The following CCDC194 variants were observed in gnomAD, a reference collection of about 807,000 sequenced individuals.
The protein encoded by CCDC194 is coiled-coil domain-containing protein 194.
A neutral mutation model predicts 4.9 loss-of-function variants in CCDC194; 8 were observed. The observed-to-expected ratio is 1.65, with a 90% CI of 0.97 to 2.97. The LOEUF (loss-of-function observed/expected upper bound fraction) is 2.97. CCDC194 is among the 30% of genes most tolerant of loss of function. The pLI is 0.00. For missense variants in CCDC194, 52 were observed against 43.1 expected, an observed-to-expected ratio of 1.21 and a Z score of -0.58; for synonymous variants, 13 against 17.0, an observed-to-expected ratio of 0.76 and a Z score of 0.58.
chr19:17,391,593 A>G, intron 2 of CCDC194, 157 bp downstream of exon 2: 1 of 1,491,708 alleles, frequency 6.7e-7, no homozygotes, highest in Non-Finnish European at 8.9e-7. Context: ...TGACATTTGC[A>G]TGGCCTCTGC....
chr19:17,390,648 T>TGGAAG lies in CCDC194; in HGVS notation c.565_566insCTTCC (p.Glu189AlafsTer6), dbSNP rs1281369784. ...TCTGCGCTGTGGGCTCATCTCGGCT[T>TGGAAG]CCAGGACGTTACTGCCGGGAAGGGG... is the stretch of plus-strand genomic sequence containing the variant. On this transcript the variant is annotated frameshift_variant, in exon 4 of 4. Transcript: ENST00000636079. LOFTEE classifies it low-confidence loss of function (END_TRUNC). The surrounding 1 kb of genome is among the most constrained non-coding windows in gnomAD (Gnocchi z 5.5). 1 of 397,784 alleles carries TGGAAG rather than the reference T, an allele frequency of 2.5e-6. No individual in the cohort carries two copies. Among genetic ancestry groups the TGGAAG allele is most frequent in the East Asian group, 3.6e-5 (1 of 28,042 alleles). 24.6% of individuals were successfully genotyped at this position (397,784 alleles called of 1,614,324 possible). A position where few individuals can be genotyped will look rare whatever the true frequency, so the allele number is the denominator to read the frequency against.
chr19:17,393,248 CCT>C (rs1302306083), intron 1 of CCDC194, among the ~76,000 whole-genome samples: 2 of 152,236 alleles, frequency 1.3e-5, no homozygotes, highest in East Asian at 3.9e-4. Flanking sequence ...CATGTATGTC[CCT>C]CTCTCAAAAT....
At chr19:17,388,193 C>CTT (rs71162117), downstream of CCDC194, among the ~76,000 whole-genome samples, 1,796 of 91,914 alleles carry the variant, frequency 0.02, 112 homozygotes, top group African/African-American at 0.069. Flanking sequence ...TCTTTTTTTC[C>CTT]TTTTTTTTTT....
exon 1 of CCDC194, chr19:17,393,971 G>T (rs571684405): frequency 2.9e-4 from 114 of 394,644 alleles, no homozygotes; most frequent in African/African-American, 2.2e-3. Context: ...GACCCCAGGC[G>T]GCGGGTCCCC....
At chr19:17,391,509 T>G in intron 2 of CCDC194, 166 bp from the exon 3 acceptor site, 1 of 882,440 alleles carries the variant, frequency 1.1e-6, no homozygotes, top group Non-Finnish European at 1.7e-6. Context: ...TGCATAGCTT[T>G]TCATAGGTTT....
intron 1 of CCDC194, among the ~76,000 whole-genome samples, chr19:17,393,481 C>T (rs376364172): frequency 3.3e-5 from 5 of 149,316 alleles, no homozygotes; most frequent in Admixed American, 2.0e-4. Context: ...CTCCACCTTC[C>T]GGGTTCAAGC....
At chr19:17,394,121 C>T (rs761865038) in exon 1 of CCDC194, 13 of 393,058 alleles carry the variant, frequency 3.3e-5, no homozygotes, top group East Asian at 2.2e-4. Context: ...GGCGAGCACC[C>T]GCCAGGCACG....
chr19:17,393,376 CTT>C lies in CCDC194; in HGVS notation c.324+457_324+458del, dbSNP rs551933814. Among the ~76,000 whole-genome samples the C allele has an allele frequency of 7.0e-3, 804 of 115,196 alleles. 3 individuals are homozygous for C. The highest frequency in any genetic ancestry group is 0.017 in the African/African-American group (427 of 24,426). The allele number at this position is 115,196 out of a possible 152,430, so 75.6% of individuals were successfully genotyped here. A position where few individuals can be genotyped will look rare whatever the true frequency, so the allele number is the denominator to read the frequency against. On this transcript the variant is annotated intron_variant, in intron 1 of 3. Transcript: ENST00000636079. Reference sequence around the variant, plus strand: ...TGGCAAATAGCAAAGGACAGTGAGACTTTTTTTTTTTTTTTTTTTTTTTTTTT... The same window carrying C: ...TGGCAAATAGCAAAGGACAGTGAGACTTTTTTTTTTTTTTTTTTTTTTTTT...
exon 1 of CCDC194, chr19:17,394,081 C>T: frequency 2.6e-6 from 1 of 390,950 alleles, no homozygotes; most frequent in South Asian, 1.3e-4. Flanking sequence ...CGGCTGCTGC[C>T]GCAGCCAGGA....
intron 1 of CCDC194, among the ~76,000 whole-genome samples, chr19:17,393,376 CTTTTTTTTTTTTTTTT>C (rs551933814): frequency 6.1e-5 from 7 of 115,418 alleles, no homozygotes; most frequent in East Asian, 2.8e-4. Context: ...GACAGTGAGA[CTTTTTTTTTTTTTTTT>C]TTTTTTTTTT....
chr19:17,389,470 T>C (rs1209672804), downstream of CCDC194, among the ~76,000 whole-genome samples: 1 of 152,168 alleles, frequency 6.6e-6, no homozygotes, highest in African/African-American at 2.4e-5. Context: ...TTTATTTTTC[T>C]TGTGTAATTG....
At chr19:17,390,239 T>C (rs559332173), downstream of CCDC194, among the ~76,000 whole-genome samples, 5 of 152,216 alleles carry the variant, frequency 3.3e-5, no homozygotes, top group South Asian at 2.1e-4. The surrounding 1 kb of genome is among the most constrained non-coding windows in gnomAD (Gnocchi z 5.5). Context: ...GACGGCAACA[T>C]TGTTGTTAGA....
At chr19:17,389,187 A>C (rs1157513613), downstream of CCDC194, among the ~76,000 whole-genome samples, 2 of 152,210 alleles carry the variant, frequency 1.3e-5, no homozygotes, top group Admixed American at 6.6e-5. Flanking sequence ...TTTCAACTGC[A>C]TGGAGAACTG....
exon 3 of CCDC194, chr19:17,391,343 T>A: frequency 2.2e-6 from 1 of 448,018 alleles, no homozygotes; most frequent in Non-Finnish European, 3.9e-6. Context: ...CGCCAGGGCC[T>A]CTGGGGGCGC....
rs1431775796 is a variant in CCDC194, at chr19:17,391,392, G to A, written c.422-49C>T. 3 of 296,640 alleles carry A rather than the reference G, an allele frequency of 1.0e-5. No individual in the cohort carries two copies. In the East Asian group the frequency reaches 2.8e-4, roughly 28 times the overall value. 18.4% of individuals were successfully genotyped at this position (296,640 alleles called of 1,614,324 possible). ...AGGCTGGAGACTCCCGCGCCCACCC[G>A]CCCCACGCACGCCGGAATCCAAGTT... On this transcript the variant is annotated intron_variant, in intron 2 of 3. Coordinates refer to ENST00000636079, the Ensembl canonical transcript of CCDC194.
intron 2 of CCDC194, 33 bp from the exon 3 acceptor site, chr19:17,391,376 A>G (rs1405292155): frequency 2.0e-6 from 1 of 490,662 alleles, no homozygotes; most frequent in African/African-American, 2.0e-5. Flanking sequence ...CAGGCTGGAG[A>G]CTCCCGCGCC....
At chr19:17,391,469 T>A (rs2074654561) in intron 2 of CCDC194, 126 bp from the exon 3 acceptor site, 3 of 634,082 alleles carry the variant, frequency 4.7e-6, no homozygotes, top group Non-Finnish European at 5.4e-6. Flanking sequence ...TAAATTAGTG[T>A]GTACCATTGC....
intron 1 of CCDC194, chr19:17,392,146 A>T (rs1410022018): frequency 7.7e-6 from 2 of 261,426 alleles, no homozygotes; most frequent in Non-Finnish European, 1.4e-5. Flanking sequence ...TTCCACTTTC[A>T]GCTCCATCTG....
downstream of CCDC194, chr19:17,390,426 G>C: frequency 7.8e-6 from 3 of 382,794 alleles, no homozygotes; most frequent in Non-Finnish European, 9.2e-6. This position sits in a 1 kb window ranked among gnomAD's most constrained non-coding sequence, Gnocchi z 5.5. Context: ...ATCCAGCGTG[G>C]GGGTGCCTCT....
Sources: allele counts gnomAD v4.1 joint callset (sites outside exome capture counted in the v4.1 genomes callset), GRCh38; gene constraint gnomAD v4.1.1; non-coding constraint Gnocchi (gnomAD v3.1); transcripts MANE v1.5; gene names NCBI Gene and HGNC (gene_info 2026-07-23, HGNC 2026-07-21).